The following MEGF11 variants were observed in gnomAD, a reference collection of about 807,000 sequenced individuals.
MEGF11 encodes multiple EGF like domains 11.
In MEGF11, 126 loss-of-function variants were observed where a neutral mutation model predicts 146.6. The ratio of observed to expected loss-of-function variants is 0.86; its 90% CI spans 0.74 to 1.00. The LOEUF is 1.00. Among genes scored for constraint, MEGF11 ranks in the 50% least tolerant of loss-of-function variants. The pLI is 0.00. For synonymous variants in MEGF11, 532 were observed against 583.4 expected (o/e 0.91, Z 1.27); for missense variants, 1,509 against 1,521.2 (o/e 0.99, Z 0.13).
intron 1 of MEGF11, among the ~76,000 whole-genome samples, chr15:66,236,599 G>A (rs1467032894): frequency 6.6e-6 from 1 of 152,160 alleles, no homozygotes; most frequent in African/African-American, 2.4e-5. Context: ...GAATGAGAGG[G>A]CGTCCTGAGA....
Position 65,922,319 on chromosome 15 carries a change from T to TTC in MEGF11, c.1957+17_1957+18dup. On this transcript the variant is annotated intron_variant, in intron 15 of 25. Transcript: ENST00000395614. ...ACCTCTCACCTCCCCACCCAGTACC[T>TTC]TCCCACTGGAGACAGTACCTTGGTT... The TTC allele has an allele frequency of 6.2e-7, 1 of 1,605,148 alleles. No individual in the cohort carries two copies. Among genetic ancestry groups the TTC allele is most frequent in the African/African-American group, 1.3e-5 (1 of 74,814 alleles).
At chr15:66,092,382 G>A (rs891067225) in intron 5 of MEGF11, among the ~76,000 whole-genome samples, 1 of 152,212 alleles carries the variant, frequency 6.6e-6, no homozygotes, top group African/African-American at 2.4e-5. Flanking sequence ...AATAGCACAT[G>A]CCTTTGAGTA....
chr15:66,171,922 G>A (rs1484076110), intron 1 of MEGF11, among the ~76,000 whole-genome samples: 3 of 152,124 alleles, frequency 2.0e-5, no homozygotes, highest in Admixed American at 6.5e-5. Context: ...TATCCCCGCC[G>A]TCTCCAAGTG....
At chr15:66,082,507 A>ATCTG (rs1371945589) in intron 5 of MEGF11, among the ~76,000 whole-genome samples, 6 of 139,436 alleles carry the variant, frequency 4.3e-5, no homozygotes, top group Non-Finnish European at 1.5e-5. Context: ...CTATCTATCT[A>ATCTG]TCTATCTATA....
chr15:66,050,947 A>C (rs2084424024), intron 5 of MEGF11, among the ~76,000 whole-genome samples: 1 of 152,224 alleles, frequency 6.6e-6, no homozygotes, highest in Non-Finnish European at 1.5e-5. Flanking sequence ...AAAGATAATT[A>C]GCCTTACCTG....
chr15:66,132,735 T>G (rs1417567729), intron 1 of MEGF11, among the ~76,000 whole-genome samples: 1 of 152,206 alleles, frequency 6.6e-6, no homozygotes, highest in African/African-American at 2.4e-5. Context: ...ACCGTGCCTA[T>G]ATTGCTGAAC....
intron 1 of MEGF11, among the ~76,000 whole-genome samples, chr15:66,246,662 A>C (rs1262527499): frequency 2.6e-5 from 4 of 151,884 alleles, no homozygotes; most frequent in Non-Finnish European, 5.9e-5. Flanking sequence ...AATAAAAATA[A>C]TTAGCTGGGC....
At chr15:66,196,121 C>G (rs111710941) in intron 1 of MEGF11, among the ~76,000 whole-genome samples, 1 of 152,050 alleles carries the variant, frequency 6.6e-6, no homozygotes, top group African/African-American at 2.4e-5. Flanking sequence ...GGGGGAGAAC[C>G]AGTGCTGGGA....
intron 1 of MEGF11, among the ~76,000 whole-genome samples, chr15:66,243,789 G>T (rs2092254309): frequency 6.6e-6 from 1 of 152,050 alleles, no homozygotes; most frequent in South Asian, 2.1e-4. Flanking sequence ...GACAGGAGTG[G>T]GTTTTAAATA....
Position 65,922,346 on chromosome 15 carries a change from C to T in MEGF11, c.1949G>A (p.Cys650Tyr). 6.2e-7 allele frequency: 1 copy of T among 1,606,826 alleles called. No individual in the cohort carries two copies. Among genetic ancestry groups the T allele is most frequent in the Non-Finnish European group, 8.5e-7 (1 of 1,176,858 alleles). The change falls in exon 15 of 26, where the codon TGC (cysteine) becomes TAC (tyrosine). Residue 650 changes from cysteine to tyrosine, a missense_variant. Physicochemically the swap from Cys to Tyr is radical, Grantham distance 194 (BLOSUM62 -2). Transcript: ENST00000395614. ...ECLPGFSGAL[C>Y]NQVCAGGYFG... ...CCCACTGGAGACAGTACCTTGGTTG[C>T]AGAGAGCTCCAGAGAATCCTGGGAG...
intron 7 of MEGF11, among the ~76,000 whole-genome samples, chr15:65,976,657 T>C (rs1301617561): frequency 6.6e-6 from 1 of 152,238 alleles, no homozygotes; most frequent in Non-Finnish European, 1.5e-5. Context: ...CCGCCTAGTC[T>C]GTGGCACTTT....
intron 1 of MEGF11, among the ~76,000 whole-genome samples, chr15:66,137,695 A>G (rs4776745): frequency 0.7 from 106,386 of 151,328 alleles, 38,412 homozygotes; most frequent in South Asian, 0.85. Context: ...CTGGGACCAC[A>G]GGTTCACACT....
In MEGF11 at chr15:65,928,493, CA is replaced by C; in HGVS notation, c.1606del (p.Cys536ValfsTer264). On this transcript the variant is annotated frameshift_variant, in exon 13 of 26. Coordinates refer to ENST00000395614, the MANE Select transcript of MEGF11 (RefSeq NM_001385028.1). LOFTEE classifies it high-confidence loss of function. ...GTFGLNCSEH[C>X]DCSHADGCDP... is the part of the protein sequence containing the mutation. ...ACATCCATCAGCATGGCTGCAGTCA[CA>C]GTGTTCACTGCAGTTCAGCCCAAAT... The C allele has an allele frequency of 6.2e-7, 1 of 1,606,592 alleles. No individual in the cohort carries two copies. Among genetic ancestry groups the C allele is most frequent in the East Asian group, 2.2e-5 (1 of 44,632 alleles).
chr15:65,989,143 A>C (rs2081957813), intron 5 of MEGF11, among the ~76,000 whole-genome samples: 2 of 151,876 alleles, frequency 1.3e-5, no homozygotes. Flanking sequence ...TTTTCCCATG[A>C]TCTCTGTTCT....
intron 21 of MEGF11, chr15:65,910,105 G>T (rs141242372): frequency 5.3e-4 from 289 of 549,040 alleles, no homozygotes; most frequent in African/African-American, 4.8e-3. Context: ...TAGCTGGGGG[G>T]TGGGGCTGAG....
chr15:66,106,147 ACTG>A (rs1014534378), intron 4 of MEGF11, among the ~76,000 whole-genome samples: 1 of 152,172 alleles, frequency 6.6e-6, no homozygotes, highest in African/African-American at 2.4e-5. Flanking sequence ...ATTCAGCACC[ACTG>A]CTGCTTAAAA....
intron 5 of MEGF11, among the ~76,000 whole-genome samples, chr15:66,039,574 G>T (rs933832733): frequency 6.6e-6 from 1 of 152,156 alleles, no homozygotes; most frequent in Non-Finnish European, 1.5e-5. Flanking sequence ...ACTGCCCAAC[G>T]TAACTCAGGT....
rs1468714559 is a variant in MEGF11 at position 65,929,740 on chromosome 15, T to C, written c.1552A>G (p.Thr518Ala). Reference sequence around the variant, plus strand: ...CTCACCGGGCAAGGCAGCTCACAGGTGTCTCCCAGCCAGCCAGGAGTGCAG... The same window carrying C: ...CTCACCGGGCAAGGCAGCTCACAGGCGTCTCCCAGCCAGCCAGGAGTGCAG... The part of the protein sequence containing the change: ...CSCTPGWLGD[T>A]CELPCPDGTF... Residue 518 changes from threonine to alanine, a missense_variant, in exon 12 of 26, where the codon ACC becomes GCC. Transcript: ENST00000395614. The C allele has an allele frequency of 2.6e-6, 4 of 1,551,836 alleles. No individual in the cohort carries two copies. Among genetic ancestry groups the C allele is most frequent in the Non-Finnish European group, 3.5e-6 (4 of 1,147,256 alleles).
chr15:66,072,011 G>A (rs1406312908), intron 5 of MEGF11, among the ~76,000 whole-genome samples: 3 of 152,178 alleles, frequency 2.0e-5, no homozygotes, highest in African/African-American at 7.2e-5. Context: ...CTGCTCTCCA[G>A]GAGCTCTTCC....
Sources: allele counts gnomAD v4.1 joint callset (sites outside exome capture counted in the v4.1 genomes callset), GRCh38; gene constraint gnomAD v4.1.1; transcripts MANE v1.5; gene names NCBI Gene and HGNC (gene_info 2026-07-23, HGNC 2026-07-21).